The following RTN1 variants were observed in gnomAD, a reference collection of about 807,000 sequenced individuals.
RTN1 encodes reticulon-1.
A neutral mutation model predicts 65.5 loss-of-function variants in RTN1; 25 were observed. The observed-to-expected ratio is 0.38, with a 90% CI of 0.28 to 0.53. RTN1 has a LOEUF of 0.53. Ranked by LOEUF, RTN1 falls within the 20% of genes least tolerant of loss-of-function variation. The pLI, the probability that RTN1 is intolerant of heterozygous loss-of-function variation, is 0.79. For synonymous variants in RTN1, 471 were observed against 447.6 expected (o/e 1.05, Z -0.66); for missense variants, 983 against 1,025.4 (o/e 0.96, Z 0.57).
intron 3 of RTN1, among the ~76,000 whole-genome samples, chr14:59,649,707 C>G (rs1432070659): frequency 6.6e-6 from 1 of 152,296 alleles, no homozygotes; most frequent in East Asian, 1.9e-4. Context: ...GAGATACCAT[C>G]TCATGCCAGT....
rs536722057 is a variant in RTN1, at chr14:59,766,461, C to G, written c.242-19980G>C. Among the ~76,000 whole-genome samples the G allele has an allele frequency of 3.3e-5, 5 of 152,192 alleles. No individual in the cohort carries two copies. The highest frequency in any genetic ancestry group is 1.2e-4 in the African/African-American group (5 of 41,532). The stretch of plus-strand genomic sequence containing the variant: ...ATATTGTTCAACGTATTATTTTCTA[C>G]TTACCTGTAAGTTGGTAAGGTAGCT... On this transcript the variant is annotated intron_variant, in intron 1 of 8. Coordinates refer to ENST00000267484, the MANE Select transcript of RTN1 (RefSeq NM_021136.3). This position sits in a 1 kb window ranked among gnomAD's most constrained non-coding sequence, Gnocchi z 4.4.
chr14:59,656,972 T>A (rs1484611483), intron 3 of RTN1, among the ~76,000 whole-genome samples: 1 of 152,248 alleles, frequency 6.6e-6, no homozygotes, highest in Admixed American at 6.5e-5. Flanking sequence ...GAAATTAGCA[T>A]GATCCCCACT....
In RTN1 at chr14:59,727,423, T is replaced by A. The variant is rs764887838; in HGVS notation, c.1261A>T (p.Met421Leu). ...GAGGGCAGCGCGTCCTCCGCGGCCA[T>A]GGGGTCCTCGGACACCAGCTCGATC... ...SEIELVSEDP[M>L]AAEDALPSGY... is the part of the protein sequence containing the mutation. The change falls in exon 3 of 9, where the codon ATG becomes TTG. Residue 421 changes from methionine (M) to leucine (L), a missense_variant. Transcript: ENST00000267484. The surrounding 1 kb of genome is among the most constrained non-coding windows in gnomAD (Gnocchi z 4.2). 1 of 1,552,396 alleles carries A rather than the reference T, an allele frequency of 6.4e-7. No individual in the cohort carries two copies. The highest frequency in any genetic ancestry group is 8.7e-7 in the Non-Finnish European group (1 of 1,148,884).
chr14:59,866,090 C>T (rs1249299594), intron 1 of RTN1, among the ~76,000 whole-genome samples: 2 of 152,028 alleles, frequency 1.3e-5, no homozygotes, highest in Non-Finnish European at 2.9e-5. Flanking sequence ...AGTCAAGCTT[C>T]CAGCAATAAC....
chr14:59,831,084 T>A (rs1235520816), intron 1 of RTN1, among the ~76,000 whole-genome samples: 1 of 152,154 alleles, frequency 6.6e-6, no homozygotes, highest in Non-Finnish European at 1.5e-5. Context: ...CTTCTGGACA[T>A]TAGAAAAATC....
chr14:59,867,579 C>G (rs904977989), intron 1 of RTN1, among the ~76,000 whole-genome samples: 3 of 152,120 alleles, frequency 2.0e-5, no homozygotes, highest in African/African-American at 7.2e-5. Context: ...TATATTCATT[C>G]CAGGACACTG....
chr14:59,666,349 A>G (rs1883373275), intron 3 of RTN1, among the ~76,000 whole-genome samples: 1 of 152,220 alleles, frequency 6.6e-6, no homozygotes, highest in African/African-American at 2.4e-5. Flanking sequence ...TACTGGGTAA[A>G]TAACAAAATG....
At chr14:59,749,394 CTATA>C (rs1465883117) in intron 1 of RTN1, among the ~76,000 whole-genome samples, 23 of 60,690 alleles carry the variant, frequency 3.8e-4, no homozygotes, top group African/African-American at 2.3e-3. Context: ...CTATATATAT[CTATA>C]TATATCTATA....
chr14:59,814,111 C>T (rs28368440), intron 1 of RTN1, among the ~76,000 whole-genome samples: 5,764 of 152,254 alleles, frequency 0.038, 347 homozygotes, highest in African/African-American at 0.13. Flanking sequence ...TAGATTTGCT[C>T]TCATGCACAC....
At chr14:59,643,497 C>T (rs1277927917) in intron 3 of RTN1, among the ~76,000 whole-genome samples, 1 of 152,188 alleles carries the variant, frequency 6.6e-6, no homozygotes, top group East Asian at 1.9e-4. Flanking sequence ...GGATTACAGG[C>T]GTGGGCCACC....
At chr14:59,704,275 G>A (rs1035189604) in intron 3 of RTN1, among the ~76,000 whole-genome samples, 39 of 152,112 alleles carry the variant, frequency 2.6e-4, no homozygotes, top group African/African-American at 7.7e-4. Context: ...CCCCCTCACC[G>A]CCACGAATAG....
chr14:59,741,993 C>T (rs1466730510), intron 2 of RTN1, among the ~76,000 whole-genome samples: 1 of 152,126 alleles, frequency 6.6e-6, no homozygotes, highest in Non-Finnish European at 1.5e-5. Flanking sequence ...TTGCCTGTTT[C>T]CTCTGACTAG....
intron 5 of RTN1, 127 bp downstream of exon 5, chr14:59,605,241 G>A (rs1881705236): frequency 2.2e-6 from 2 of 925,448 alleles, no homozygotes; most frequent in South Asian, 1.8e-5. Context: ...TACAACTGGA[G>A]GTCTTCTGAC....
At chr14:59,776,946 C>T (rs1886062966) in intron 1 of RTN1, among the ~76,000 whole-genome samples, 1 of 152,138 alleles carries the variant, frequency 6.6e-6, no homozygotes, top group South Asian at 2.1e-4. Context: ...CATAGATATT[C>T]TAAATTATTT....
At chr14:59,620,855 G>A (rs1248949045) in intron 3 of RTN1, among the ~76,000 whole-genome samples, 7 of 152,212 alleles carry the variant, frequency 4.6e-5, no homozygotes, top group African/African-American at 1.7e-4. Flanking sequence ...AAGACTCTAA[G>A]GTCCAAGAGG....
chr14:59,673,437 C>T (rs1883554357), intron 3 of RTN1, among the ~76,000 whole-genome samples: 1 of 152,222 alleles, frequency 6.6e-6, no homozygotes, highest in Non-Finnish European at 1.5e-5. Flanking sequence ...CCTTGTCCCA[C>T]AACCAAGAGG....
At chr14:59,606,125 T>TATATATAAAA (rs1345665820) in intron 4 of RTN1, 1 of 111,466 alleles carries the variant, frequency 9.0e-6, no homozygotes, top group African/African-American at 3.8e-5. Context: ...TATATATATA[T>TATATATAAAA]ATCATACCAG....
chr14:59,843,167 CACAATA>C (rs1887345549), intron 1 of RTN1, among the ~76,000 whole-genome samples: 1 of 152,296 alleles, frequency 6.6e-6, no homozygotes, highest in South Asian at 2.1e-4. Context: ...TCTCAATATG[CACAATA>C]ACATGAATGT....
At chr14:59,800,029 G>A (rs1045683241) in intron 1 of RTN1, among the ~76,000 whole-genome samples, 2 of 152,142 alleles carry the variant, frequency 1.3e-5, no homozygotes, top group African/African-American at 4.8e-5. Flanking sequence ...TAATTTACTG[G>A]TGAAAGATGG....
Sources: allele counts gnomAD v4.1 joint callset (sites outside exome capture counted in the v4.1 genomes callset), GRCh38; gene constraint gnomAD v4.1.1; non-coding constraint Gnocchi (gnomAD v3.1); transcripts MANE v1.5; gene names NCBI Gene and HGNC (gene_info 2026-07-23, HGNC 2026-07-21).